Variants in SNAPC3 observed in about 807,000 individuals in gnomAD.
The protein encoded by SNAPC3 is small nuclear RNA activating complex polypeptide 3, also known as snRNA-activating protein complex subunit 3.
SNAPC3 carries 56 observed loss-of-function variants against 47.7 expected under a neutral mutation model. The ratio of observed to expected loss-of-function variants is 1.18; its 90% CI spans 0.95 to 1.47. SNAPC3 has a LOEUF of 1.47. Among genes scored for constraint, SNAPC3 ranks in the 40% most tolerant of loss-of-function variants. SNAPC3 has a pLI of 0.00. For synonymous variants in SNAPC3, 235 were observed against 189.9 expected, an observed-to-expected ratio of 1.24 and a Z score of -1.95; for missense variants, 665 against 511.3, an observed-to-expected ratio of 1.30 and a Z score of -2.90.
chr9:15,444,357 A>C (rs2033755123), intron 3 of SNAPC3, among the ~76,000 whole-genome samples: 1 of 152,240 alleles, frequency 6.6e-6, no homozygotes. Context: ...TCAGTACCAC[A>C]CATCTTATCA....
chr9:15,424,133 A>C (rs1288806054), intron 2 of SNAPC3, 147 bp downstream of exon 2: 2 of 440,506 alleles, frequency 4.5e-6, no homozygotes, highest in Non-Finnish European at 8.2e-6. Context: ...TATTTACTTT[A>C]GCCGTGTGTA....
At chr9:15,440,761 AAC>A (rs1289611065) in intron 3 of SNAPC3, among the ~76,000 whole-genome samples, 10 of 152,044 alleles carry the variant, frequency 6.6e-5, no homozygotes. Flanking sequence ...CATCCTGGCT[AAC>A]ACAGTGAAAC....
intron 4 of SNAPC3, 54 bp downstream of exon 4, chr9:15,444,760 G>A (rs2033791737): frequency 1.0e-6 from 1 of 965,558 alleles, no homozygotes; most frequent in Non-Finnish European, 1.6e-6. Flanking sequence ...TTGTAAAAGT[G>A]TTTAATTATT....
rs374049558 is a variant in SNAPC3 at position 15,436,500 on chromosome 9, C to A, written c.477+2864C>A. On this transcript the variant is annotated intron_variant, in intron 3 of 8. Coordinates refer to ENST00000380821, the MANE Select transcript of SNAPC3 (RefSeq NM_001039697.2). ...TATAAGTTTCATTGTTACATTCTAT[C>A]GGTCTAGATTCTAACCTAGAACTAC... Among the ~76,000 whole-genome samples the A allele has an allele frequency of 2.8e-4, 43 of 152,204 alleles. No individual in the cohort carries two copies. The East Asian group carries it at 7.7e-3, about 27-fold the overall frequency.
At chr9:15,439,486 C>G (rs2033129747) in intron 3 of SNAPC3, among the ~76,000 whole-genome samples, 2 of 152,134 alleles carry the variant, frequency 1.3e-5, no homozygotes, top group Admixed American at 1.3e-4. Context: ...TTTCTGATAG[C>G]TGGGACTACA....
At chr9:15,426,206 G>A (rs1186963407) in intron 2 of SNAPC3, among the ~76,000 whole-genome samples, 1 of 152,128 alleles carries the variant, frequency 6.6e-6, no homozygotes, top group Non-Finnish European at 1.5e-5. Flanking sequence ...CAGCCACACT[G>A]CACTGTGTTT....
intron 7 of SNAPC3, among the ~76,000 whole-genome samples, chr9:15,453,816 T>C (rs1048286555): frequency 6.6e-6 from 1 of 152,240 alleles, no homozygotes; most frequent in African/African-American, 2.4e-5. Flanking sequence ...CCCTGCTCCA[T>C]TGCTGGTTTG....
intron 3 of SNAPC3, among the ~76,000 whole-genome samples, chr9:15,437,957 C>T (rs1202384557): frequency 2.6e-5 from 4 of 152,102 alleles, no homozygotes; most frequent in Non-Finnish European, 5.9e-5. Context: ...CCTGTAGTGT[C>T]TTTGTCTCAC....
chr9:15,458,121 G>A (rs1226497183), intron 8 of SNAPC3, 54 bp downstream of exon 8: 1 of 931,832 alleles, frequency 1.1e-6, no homozygotes, highest in East Asian at 2.7e-5. Context: ...TTTGACTTTT[G>A]GTATTTTGTT....
chr9:15,451,704 TA>T lies in SNAPC3; in HGVS notation c.815+312del, dbSNP rs775353077. Reference sequence around the variant, plus strand: ...GGGTAATATAGCAAGACTCTGTCTCTAAAAAAAAAATAAATAAATCACCTTA... The same window carrying T: ...GGGTAATATAGCAAGACTCTGTCTCTAAAAAAAAATAAATAAATCACCTTA... On this transcript the variant is annotated intron_variant, in intron 6 of 8. Transcript: ENST00000380821. 8.1e-4 allele frequency among the ~76,000 whole-genome samples: 121 copies of T among 148,650 alleles called. 1 individual carries two copies. Among genetic ancestry groups the T allele is most frequent in the Admixed American group, 1.2e-3 (18 of 14,830 alleles).
chr9:15,442,551 G>A (rs1248402223), intron 3 of SNAPC3, among the ~76,000 whole-genome samples: 2 of 151,894 alleles, frequency 1.3e-5, no homozygotes, highest in Non-Finnish European at 2.9e-5. Flanking sequence ...GCCGGGCAGA[G>A]GCGCTCCTCA....
intron 2 of SNAPC3, among the ~76,000 whole-genome samples, chr9:15,424,802 C>T (rs1284660494): frequency 6.6e-6 from 1 of 152,202 alleles, no homozygotes; most frequent in Non-Finnish European, 1.5e-5. Context: ...TTCTGTCGTT[C>T]TTGATCCTAC....
chr9:15,451,215 CAT>C (rs1158430902), intron 5 of SNAPC3, 103 bp from the exon 6 acceptor site: 31 of 447,892 alleles, frequency 6.9e-5, no homozygotes, highest in Non-Finnish European at 1.1e-4. Flanking sequence ...TTTTTTAACA[CAT>C]ATTAGTGTGA....
intron 4 of SNAPC3, among the ~76,000 whole-genome samples, chr9:15,445,398 T>C (rs756928709): frequency 2.0e-4 from 30 of 152,328 alleles, no homozygotes; most frequent in Admixed American, 1.3e-4. Context: ...TGGGAAGTTA[T>C]TGAACTAACC....
At chr9:15,450,385 T>A (rs2131916426) in intron 5 of SNAPC3, among the ~76,000 whole-genome samples, 1 of 152,262 alleles carries the variant, frequency 6.6e-6, no homozygotes, top group South Asian at 2.1e-4. Flanking sequence ...AATTAAAATA[T>A]TACGGTAAAA....
chr9:15,423,987 G>A lies in SNAPC3; in HGVS notation c.392+1G>A, dbSNP rs1375894948. The A allele has an allele frequency of 6.5e-7, 1 of 1,543,296 alleles. No homozygotes were observed. The highest frequency in any genetic ancestry group is 8.8e-7 in the Non-Finnish European group (1 of 1,142,232). On this transcript the variant is annotated splice_donor_variant, in intron 2 of 8. Transcript: ENST00000380821. LOFTEE classifies it high-confidence loss of function. ...AGAATACTGACCTGGTGACTTTGGG[G>A]TATGGAGGACTTGGTTTTTATGACC...
At chr9:15,465,079 C>A, downstream of SNAPC3, 1 of 227,502 alleles carries the variant, frequency 4.4e-6, no homozygotes, top group Non-Finnish European at 8.7e-6. Context: ...TGTGTAACTT[C>A]TACAAAACCC....
chr9:15,432,276 C>T (rs537998415), intron 2 of SNAPC3, among the ~76,000 whole-genome samples: 2 of 152,248 alleles, frequency 1.3e-5, no homozygotes, highest in Admixed American at 6.5e-5. Flanking sequence ...CAGTAAAATA[C>T]AGAAATACAG....
At chr9:15,441,055 T>C (rs1351378425) in intron 3 of SNAPC3, among the ~76,000 whole-genome samples, 2 of 152,150 alleles carry the variant, frequency 1.3e-5, no homozygotes, top group East Asian at 1.9e-4. Context: ...GTTAATCTTA[T>C]TGAGGAATCT....
Sources: allele counts gnomAD v4.1 joint callset (sites outside exome capture counted in the v4.1 genomes callset), GRCh38; gene constraint gnomAD v4.1.1; transcripts MANE v1.5; gene names NCBI Gene and HGNC (gene_info 2026-07-23, HGNC 2026-07-21).